Variants in GPBP1 observed in about 807,000 individuals in gnomAD.
The protein encoded by GPBP1 is vasculin.
In GPBP1, 13 loss-of-function variants were observed where a neutral mutation model predicts 56.5. The observed-to-expected ratio is 0.23, with a 90% CI of 0.15 to 0.37. GPBP1 has a LOEUF of 0.37. GPBP1 is among the 10% of genes least tolerant of loss of function. The pLI is 1.00. For synonymous variants in GPBP1, 204 were observed against 188.9 expected, an observed-to-expected ratio of 1.08 and a Z score of -0.66; for missense variants, 477 against 572.3, an observed-to-expected ratio of 0.83 and a Z score of 1.70.
intron 2 of GPBP1, among the ~76,000 whole-genome samples, chr5:57,187,599 C>T (rs1241425918): frequency 2.6e-5 from 4 of 152,102 alleles, no homozygotes; most frequent in Admixed American, 2.6e-4. Flanking sequence ...TGGTTTCATG[C>T]CATCTGTTAC....
chr5:57,250,673 G>A (rs1198185740), intron 9 of GPBP1, among the ~76,000 whole-genome samples: 2 of 151,520 alleles, frequency 1.3e-5, no homozygotes, highest in Admixed American at 1.3e-4. Flanking sequence ...CTCCCAAGCA[G>A]CTAGGACTAC....
intron 2 of GPBP1, among the ~76,000 whole-genome samples, chr5:57,195,831 C>T (rs568968278): frequency 1.1e-4 from 17 of 151,634 alleles, no homozygotes; most frequent in African/African-American, 2.9e-4. Flanking sequence ...GATGAAACCC[C>T]GTCTCTACTA....
intron 9 of GPBP1, among the ~76,000 whole-genome samples, chr5:57,250,284 G>A (rs540955960): frequency 6.6e-6 from 1 of 151,878 alleles, no homozygotes; most frequent in Non-Finnish European, 1.5e-5. Flanking sequence ...GATTACAGGC[G>A]TGAGCCACTG....
At chr5:57,186,448 A>G (rs1368874480) in intron 2 of GPBP1, among the ~76,000 whole-genome samples, 1 of 151,866 alleles carries the variant, frequency 6.6e-6, no homozygotes, top group Non-Finnish European at 1.5e-5. Context: ...CTAAGAAATC[A>G]TTGCCTAACC....
intron 2 of GPBP1, among the ~76,000 whole-genome samples, chr5:57,189,601 T>A (rs114703252): frequency 0.013 from 2,016 of 152,356 alleles, 26 homozygotes; most frequent in Non-Finnish European, 0.018. Context: ...TTTAACTTTA[T>A]TCCTGTACCA....
Position 57,212,314 on chromosome 5 carries a change from T to G in GPBP1, c.-57-1760T>G, listed in dbSNP as rs113062253. On this transcript the variant is annotated intron_variant, in intron 2 of 11. Transcript: ENST00000506184. ...AATACTAAAATACTAAAGCACCGTT[T>G]AGTATTTAACTTCATGTTAAAAGAT... Among the ~76,000 whole-genome samples the G allele has an allele frequency of 6.2e-3, 951 of 152,336 alleles. 11 individuals are homozygous for G. The highest frequency in any genetic ancestry group is 8.8e-3 in the Non-Finnish European group (602 of 68,036).
intron 3 of GPBP1, among the ~76,000 whole-genome samples, chr5:57,226,502 A>ATCT (rs1161057673): frequency 6.9e-6 from 1 of 144,600 alleles, no homozygotes; most frequent in Non-Finnish European, 1.5e-5. Context: ...TATAGGGCTG[A>ATCT]TGGGTAGATC....
At chr5:57,250,265 A>G (rs1447101142) in intron 9 of GPBP1, among the ~76,000 whole-genome samples, 7 of 151,662 alleles carry the variant, frequency 4.6e-5, no homozygotes, top group African/African-American at 1.7e-4. Context: ...TGGCCTCCCA[A>G]AGTGTTGGGA....
At chr5:57,188,209 A>G (rs529016609) in intron 2 of GPBP1, among the ~76,000 whole-genome samples, 7 of 150,770 alleles carry the variant, frequency 4.6e-5, no homozygotes, top group South Asian at 2.1e-4. Context: ...GCACCACTGC[A>G]CTCTAGGCTG....
chr5:57,259,140 G>A (rs1011053495), intron 10 of GPBP1, among the ~76,000 whole-genome samples: 2 of 152,216 alleles, frequency 1.3e-5, no homozygotes, highest in African/African-American at 4.8e-5. Flanking sequence ...GATTAATGCT[G>A]ACTGTGACAT....
intron 2 of GPBP1, among the ~76,000 whole-genome samples, chr5:57,207,865 A>G (rs1050683383): frequency 6.6e-6 from 1 of 152,060 alleles, no homozygotes; most frequent in African/African-American, 2.4e-5. Flanking sequence ...GCTTTCTGTC[A>G]GTGTGGTATT....
rs538611727 is a variant in GPBP1 at position 57,199,264 on chromosome 5, G to T, written c.-57-14810G>T. Among the ~76,000 whole-genome samples, 3 of 149,524 alleles carry T rather than the reference G, an allele frequency of 2.0e-5. No individual in the cohort carries two copies. The South Asian group carries it at 6.3e-4, about 31-fold the overall frequency. On this transcript the variant is annotated intron_variant, in intron 2 of 11. Coordinates refer to ENST00000506184, the MANE Select transcript of GPBP1 (RefSeq NM_022913.4). ...AACAAAAGTTAGCTGTGTCATAGTG[G>T]TTATTTAGTTTCTGACTATTTTTTA...
rs1350068548 is a variant in GPBP1 at position 57,176,103 on chromosome 5, A to G, written c.-355A>G. The G allele has an allele frequency of 7.5e-6, 3 of 398,048 alleles. No homozygotes were observed. The highest frequency in any genetic ancestry group is 4.4e-5 in the Admixed American group (1 of 22,694). 24.7% of individuals were successfully genotyped at this position (398,048 alleles called of 1,614,324 possible). On this transcript the variant is annotated 5_prime_UTR_variant, in exon 2 of 12. The change abolishes the stop of an existing upstream ORF in the 5' untranslated region. Transcript: ENST00000506184. ...TTTTTGTTTTTGCTTTTTGGCTCGTAAATTGGATATTTCATCTGGAGTGGA... is the reference window on the plus strand; with the variant it reads ...TTTTTGTTTTTGCTTTTTGGCTCGTGAATTGGATATTTCATCTGGAGTGGA...
At chr5:57,182,619 C>T (rs1287118153) in intron 2 of GPBP1, among the ~76,000 whole-genome samples, 1 of 152,142 alleles carries the variant, frequency 6.6e-6, no homozygotes, top group Non-Finnish European at 1.5e-5. Context: ...GATCCACCTG[C>T]CTCAGCCTCC....
intron 3 of GPBP1, among the ~76,000 whole-genome samples, chr5:57,216,868 CT>C (rs11346369): frequency 0.73 from 108,376 of 148,950 alleles, 39,363 homozygotes; most frequent in East Asian, 0.9. Flanking sequence ...ATCTGGAACG[CT>C]TTTTTTTTTT....
chr5:57,198,166 T>G (rs534295998), intron 2 of GPBP1, among the ~76,000 whole-genome samples: 1 of 152,322 alleles, frequency 6.6e-6, no homozygotes, highest in Non-Finnish European at 1.5e-5. Context: ...ATCTGCAGTT[T>G]TGCAGTCCTA....
chr5:57,182,791 C>T (rs1199353518), intron 2 of GPBP1, among the ~76,000 whole-genome samples: 1 of 152,130 alleles, frequency 6.6e-6, no homozygotes, highest in East Asian at 1.9e-4. Context: ...TCAAGCAGTC[C>T]TCCTGCCTCA....
intron 2 of GPBP1, among the ~76,000 whole-genome samples, chr5:57,180,263 C>A (rs115564999): frequency 6.6e-6 from 1 of 152,016 alleles, no homozygotes; most frequent in African/African-American, 2.4e-5. Context: ...TACAGGTCCC[C>A]GCTGCCATGC....
At chr5:57,177,070 G>C (rs187285493) in intron 2 of GPBP1, among the ~76,000 whole-genome samples, 1 of 152,298 alleles carries the variant, frequency 6.6e-6, no homozygotes, top group East Asian at 1.9e-4. Context: ...CAGAGGAACT[G>C]AGCAAGCTGA....
Sources: allele counts gnomAD v4.1 joint callset (sites outside exome capture counted in the v4.1 genomes callset), GRCh38; gene constraint gnomAD v4.1.1; transcripts MANE v1.5; gene names NCBI Gene and HGNC (gene_info 2026-07-23, HGNC 2026-07-21).